Variants in ICA1L observed in about 807,000 individuals in gnomAD.
The protein encoded by ICA1L is islet cell autoantigen 1-like protein.
In ICA1L, 50 loss-of-function variants were observed where a neutral mutation model predicts 61.3. The ratio of observed to expected loss-of-function variants is 0.82; its 90% CI spans 0.65 to 1.03. The LOEUF is 1.03. ICA1L is among the 50% of genes least tolerant of loss of function. ICA1L has a pLI of 0.00. For synonymous variants in ICA1L, 161 were observed against 191.3 expected, an observed-to-expected ratio of 0.84 and a Z score of 1.31; for missense variants, 508 against 556.7, an observed-to-expected ratio of 0.91 and a Z score of 0.88.
At chr2:202,848,406 CA>C (rs1694524951) in intron 1 of ICA1L, among the ~76,000 whole-genome samples, 1 of 152,288 alleles carries the variant, frequency 6.6e-6, no homozygotes, top group South Asian at 2.1e-4. Context: ...TAACTCATTT[CA>C]GAAGAAAGTC....
intron 1 of ICA1L, chr2:202,860,198 G>C (rs1267981307): frequency 6.6e-6 from 1 of 151,356 alleles, no homozygotes. Context: ...CTTGAGCCCA[G>C]GAGTTCAAGG....
chr2:202,852,314 G>A (rs1395399809), intron 1 of ICA1L, among the ~76,000 whole-genome samples: 1 of 152,050 alleles, frequency 6.6e-6, no homozygotes. Flanking sequence ...GATCCTTGAG[G>A]AATTGCCACA....
At chr2:202,829,982 A>T (rs1693969365) in intron 1 of ICA1L, among the ~76,000 whole-genome samples, 1 of 152,250 alleles carries the variant, frequency 6.6e-6, no homozygotes, top group Non-Finnish European at 1.5e-5. Context: ...CATACTCTTT[A>T]AAAATCACTC....
intron 1 of ICA1L, among the ~76,000 whole-genome samples, chr2:202,836,104 GA>G (rs990503283): frequency 4.0e-5 from 6 of 150,706 alleles, no homozygotes; most frequent in Admixed American, 4.0e-4. Flanking sequence ...CTTGATTTCA[GA>G]AAAAAAAACT....
chr2:202,865,494 C>CA (rs1687476239), intron 1 of ICA1L, among the ~76,000 whole-genome samples: 2 of 148,314 alleles, frequency 1.3e-5, no homozygotes, highest in South Asian at 4.3e-4. Flanking sequence ...AAAACAACAA[C>CA]AAAAAAACCC....
intron 9 of ICA1L, among the ~76,000 whole-genome samples, chr2:202,809,983 T>C (rs1477575767): frequency 6.6e-6 from 1 of 152,004 alleles, no homozygotes; most frequent in Non-Finnish European, 1.5e-5. Context: ...ACTATCCAAG[T>C]ACAGGAAGGT....
chr2:202,802,138 A>G (rs963604562), intron 9 of ICA1L, among the ~76,000 whole-genome samples: 1 of 152,218 alleles, frequency 6.6e-6, no homozygotes, highest in Non-Finnish European at 1.5e-5. Flanking sequence ...AAAACAACAA[A>G]TAGAACTTTT....
At chr2:202,809,601 G>A (rs1693318327) in intron 9 of ICA1L, among the ~76,000 whole-genome samples, 1 of 151,832 alleles carries the variant, frequency 6.6e-6, no homozygotes, top group African/African-American at 2.4e-5. Context: ...CATGAGCCGA[G>A]ATGGTGCCAC....
intron 8 of ICA1L, among the ~76,000 whole-genome samples, chr2:202,813,711 A>G (rs1231408247): frequency 6.6e-6 from 1 of 152,206 alleles, no homozygotes; most frequent in Non-Finnish European, 1.5e-5. Context: ...GAGTTCGTTA[A>G]TATATTGAAT....
In ICA1L at chr2:202,779,521, T is replaced by A; in HGVS notation, c.*12A>T. The A allele has an allele frequency of 6.7e-7, 1 of 1,490,438 alleles. No homozygotes were observed. The highest frequency in any genetic ancestry group is 9.3e-7 in the Non-Finnish European group (1 of 1,072,430). 92.3% of individuals were successfully genotyped at this position (1,490,438 alleles called of 1,614,324 possible). On this transcript the variant is annotated 3_prime_UTR_variant, in exon 13 of 13. Transcript: ENST00000358299. Reference sequence around the variant, plus strand: ...ATGTCTCAAGGCCACTGAAGTGACATTATAACTTCAGTCAAGCATTAAGAA... The same window carrying A: ...ATGTCTCAAGGCCACTGAAGTGACAATATAACTTCAGTCAAGCATTAAGAA...
chr2:202,871,635 C>T lies in ICA1L; in HGVS notation c.-24G>A, dbSNP rs1574396827. The stretch of plus-strand genomic sequence containing the variant: ...GAAGCTTACCGGCGCCGCTCTTCCG[C>T]CTCCTCGGGTCGCGTTCGGCCGTAC... On this transcript the variant is annotated 5_prime_UTR_variant, in exon 1 of 13. Transcript: ENST00000358299. 6.6e-6 allele frequency: 1 copy of T among 152,368 alleles called. No homozygotes were observed. Among genetic ancestry groups the T allele is most frequent in the Admixed American group, 6.5e-5 (1 of 15,306 alleles). The allele number at this position is 152,368 out of a possible 1,614,324, so 9.4% of individuals were successfully genotyped here.
intron 1 of ICA1L, chr2:202,844,722 C>T (rs996719294): frequency 2.6e-5 from 4 of 152,186 alleles, no homozygotes; most frequent in Non-Finnish European, 4.4e-5. Context: ...TAATTGAGCT[C>T]CTTTAACATA....
chr2:202,809,182 C>T (rs1693306815), intron 9 of ICA1L, among the ~76,000 whole-genome samples: 1 of 151,946 alleles, frequency 6.6e-6, no homozygotes, highest in African/African-American at 2.4e-5. Context: ...ATCAGGTAAA[C>T]TTAACAAAGA....
chr2:202,861,620 C>T (rs2105889392), intron 1 of ICA1L, among the ~76,000 whole-genome samples: 1 of 151,944 alleles, frequency 6.6e-6, no homozygotes, highest in African/African-American at 2.4e-5. Context: ...GGTGCAGTGG[C>T]TCACACCTGT....
chr2:202,820,812 AG>A (rs1693680018), intron 4 of ICA1L, among the ~76,000 whole-genome samples: 1 of 152,332 alleles, frequency 6.6e-6, no homozygotes, highest in South Asian at 2.1e-4. Flanking sequence ...CCATCATTAT[AG>A]GTCTGATAAG....
intron 1 of ICA1L, chr2:202,840,476 C>A (rs1035235518): frequency 3.9e-6 from 2 of 512,614 alleles, no homozygotes; most frequent in Non-Finnish European, 3.8e-6. Context: ...GAGGCCATAG[C>A]TGAGGCTGGG....
intron 6 of ICA1L, among the ~76,000 whole-genome samples, chr2:202,817,178 A>G (rs1693560837): frequency 1.3e-5 from 2 of 152,146 alleles, no homozygotes; most frequent in Admixed American, 6.6e-5. Context: ...CCCCTCTTCA[A>G]CCTCAAATGG....
At chr2:202,833,349 T>TG (rs944647241) in intron 1 of ICA1L, among the ~76,000 whole-genome samples, 14 of 152,122 alleles carry the variant, frequency 9.2e-5, no homozygotes, top group African/African-American at 3.4e-4. Flanking sequence ...TGGGAGGCTG[T>TG]GGGGGAGGAT....
chr2:202,778,732 A>C lies in ICA1L; in HGVS notation c.*801T>G, dbSNP rs1381815603. 1 of 152,626 alleles carries C rather than the reference A, an allele frequency of 6.6e-6. No homozygotes were observed. The highest frequency in any genetic ancestry group is 1.9e-4 in the East Asian group (1 of 5,206). The allele number at this position is 152,626 out of a possible 1,614,324, so 9.5% of individuals were successfully genotyped here. ...CATACTACTATATAGCAAGTGTATG[A>C]AAAAGTGGGTCTGAAGACACTTGTA... On this transcript the variant is annotated 3_prime_UTR_variant, in exon 13 of 13. Transcript: ENST00000358299.
Sources: allele counts gnomAD v4.1 joint callset (sites outside exome capture counted in the v4.1 genomes callset), GRCh38; gene constraint gnomAD v4.1.1; transcripts MANE v1.5; gene names NCBI Gene and HGNC (gene_info 2026-07-23, HGNC 2026-07-21).